Variants in ABCB8 observed in about 807,000 individuals in gnomAD.
The protein encoded by ABCB8 is ATP binding cassette subfamily B member 8, also known as mitochondrial potassium channel ATP-binding subunit.
In ABCB8, 52 loss-of-function variants were observed where a neutral mutation model predicts 73.0. The ratio of observed to expected loss-of-function variants is 0.71; its 90% CI spans 0.57 to 0.90. The LOEUF is 0.90. Among genes scored for constraint, ABCB8 ranks in the 40% least tolerant of loss-of-function variants. The pLI is 0.00. For synonymous variants in ABCB8, 428 were observed against 423.5 expected, an observed-to-expected ratio of 1.01 and a Z score of -0.13; for missense variants, 909 against 974.6, an observed-to-expected ratio of 0.93 and a Z score of 0.90.
chr7:151,036,838 C>T (rs776299297), intron 9 of ABCB8, 189 bp downstream of exon 9: 3 of 759,652 alleles, frequency 3.9e-6, no homozygotes, highest in Admixed American at 1.7e-5. Flanking sequence ...ACCCTCCTGG[C>T]TGGGGCAGTG....
In ABCB8 at chr7:151,032,924, T is replaced by C. The variant is rs894923647; in HGVS notation, c.96-681T>C. On this transcript the variant is annotated intron_variant, in intron 1 of 15. Transcript: ENST00000358849. ...AATGGGCCTGGGACATCAGAAGACA[T>C]GGCACACTGGCAGAGTAGAGCCAGC... 6.8e-6 allele frequency: 3 copies of C among 438,266 alleles called. No homozygotes were observed. In the East Asian group the frequency reaches 2.1e-4, roughly 31 times the overall value. 27.1% of individuals were successfully genotyped at this position (438,266 alleles called of 1,614,324 possible).
rs1796593991 is a variant in ABCB8, at chr7:151,045,622, C to T, written c.*273C>T. On this transcript the variant is annotated 3_prime_UTR_variant, in exon 16 of 16. Transcript: ENST00000358849. ...GCAGAGACAGAGTTCCACGAGACACCTCCACTCTATTCTCCCTTTGCCCAG... is the reference window on the plus strand; with the variant it reads ...GCAGAGACAGAGTTCCACGAGACACTTCCACTCTATTCTCCCTTTGCCCAG... The T allele has an allele frequency of 2.6e-6, 1 of 388,142 alleles. No homozygotes were observed. Among genetic ancestry groups the T allele is most frequent in the Non-Finnish European group, 4.6e-6 (1 of 219,488 alleles). 24.0% of individuals were successfully genotyped at this position (388,142 alleles called of 1,614,324 possible). A position where few individuals can be genotyped will look rare whatever the true frequency, so the allele number is the denominator to read the frequency against.
intron 15 of ABCB8, among the ~76,000 whole-genome samples, chr7:151,044,897 C>T (rs145669370): frequency 6.6e-6 from 1 of 152,330 alleles, no homozygotes; most frequent in East Asian, 1.9e-4. Context: ...TGGCTAACAG[C>T]CACTCATTCA....
intron 1 of ABCB8, among the ~76,000 whole-genome samples, chr7:151,029,377 C>CGA (rs951486579): frequency 2.0e-5 from 3 of 150,502 alleles, no homozygotes; most frequent in Non-Finnish European, 2.9e-5. Context: ...ACAGGTTGGT[C>CGA]GAGAGAGAGA....
chr7:151,040,743 G>T, intron 11 of ABCB8, 85 bp from the exon 12 acceptor site: 2 of 1,602,044 alleles, frequency 1.2e-6, no homozygotes, highest in Non-Finnish European at 8.5e-7. Flanking sequence ...GGCCCTCTCA[G>T]AGGGCTACAG....
chr7:151,042,026 T>A lies in ABCB8; in HGVS notation c.1683T>A (p.Asp561Glu), dbSNP rs758798170. ...GCTTTGGGAAGCTGGAAGCTTCCGA[T>A]GAAGAGGTGTACACAGCCGCCCGGG... The part of the protein sequence containing the change: ...NIRFGKLEAS[D>E]EEVYTAAREA... The change falls in exon 14 of 16, where the codon GAT (aspartate) becomes GAA (glutamate). Residue 561 changes from aspartate (D) to glutamate (E), a missense_variant. Coordinates refer to ENST00000358849, the MANE Select transcript of ABCB8 (RefSeq NM_007188.5). The A allele has an allele frequency of 9.9e-6, 16 of 1,612,992 alleles. No homozygotes were observed. The highest frequency in any genetic ancestry group is 1.4e-5 in the Non-Finnish European group (16 of 1,179,992).
At position 151,034,144 on chromosome 7, in the gene ABCB8, C is replaced by T. The variant is rs1484254865; in HGVS notation, c.409-129C>T. 7.3e-6 allele frequency: 9 copies of T among 1,230,796 alleles called. No homozygotes were observed. In the Admixed American group the frequency reaches 1.6e-4, roughly 22 times the overall value. The allele number at this position is 1,230,796 out of a possible 1,614,324, so 76.2% of individuals were successfully genotyped here. A position where few individuals can be genotyped will look rare whatever the true frequency, so the allele number is the denominator to read the frequency against. On this transcript the variant is annotated intron_variant, in intron 2 of 15. Coordinates refer to ENST00000358849, the MANE Select transcript of ABCB8 (RefSeq NM_007188.5). ...CCTCTGAGAGGCACTGATGTGTCCA[C>T]ATGACCAGCCACAACCTGGACAAGC...
In ABCB8 at chr7:151,036,075, G is replaced by A. The variant is rs748204050; in HGVS notation, c.1016G>A (p.Arg339His). 23 of 1,612,956 alleles carry A rather than the reference G, an allele frequency of 1.4e-5. No individual in the cohort carries two copies. The highest frequency in any genetic ancestry group is 1.1e-4 in the East Asian group (5 of 44,880). ...AFAMEQREEERYGAELEACRC... is the reference protein window; with the variant it reads ...AFAMEQREEEHYGAELEACRC... ...AATGCACTGGTCTCTCTCACCAGGC[G>A]CTATGGGGCAGAGCTGGAAGCCTGC... is the stretch of plus-strand genomic sequence containing the variant. Residue 339 changes from arginine (R) to histidine (H), a missense_variant and splice_region_variant, in exon 8 of 16, where the codon CGC becomes CAC. Coordinates refer to ENST00000358849, the MANE Select transcript of ABCB8 (RefSeq NM_007188.5).
At chr7:151,030,915 G>A (rs1796144871) in intron 1 of ABCB8, among the ~76,000 whole-genome samples, 1 of 152,162 alleles carries the variant, frequency 6.6e-6, no homozygotes, top group Non-Finnish European at 1.5e-5. Context: ...TCTCCAGCCG[G>A]GGCAAAAGAG....
intron 13 of ABCB8, 66 bp from the exon 14 acceptor site, chr7:151,041,895 C>T (rs1796476399): frequency 6.4e-7 from 1 of 1,569,696 alleles, no homozygotes; most frequent in Non-Finnish European, 8.7e-7. Context: ...GTATGGTGGC[C>T]CCTCCAGTTT....
At position 151,034,158 on chromosome 7, in the gene ABCB8, A is replaced by G. The variant is rs1045252604; in HGVS notation, c.409-115A>G. Reference sequence around the variant, plus strand: ...TGATGTGTCCACATGACCAGCCACAACCTGGACAAGCGCAGTGCTCAGTAG... The same window carrying G: ...TGATGTGTCCACATGACCAGCCACAGCCTGGACAAGCGCAGTGCTCAGTAG... On this transcript the variant is annotated intron_variant, in intron 2 of 15. Transcript: ENST00000358849. The G allele has an allele frequency of 2.1e-5, 27 of 1,312,464 alleles. No individual in the cohort carries two copies. The Admixed American group carries it at 2.6e-4, about 12-fold the overall frequency. The allele number at this position is 1,312,464 out of a possible 1,614,324, so 81.3% of individuals were successfully genotyped here.
chr7:151,042,421 G>T (rs1291229808), intron 14 of ABCB8, among the ~76,000 whole-genome samples: 2 of 152,206 alleles, frequency 1.3e-5, no homozygotes, highest in Non-Finnish European at 2.9e-5. Flanking sequence ...GATGCATGGT[G>T]TTTGGAGTCC....
intron 5 of ABCB8, 136 bp downstream of exon 5, chr7:151,034,965 G>A: frequency 1.4e-6 from 1 of 735,452 alleles, no homozygotes; most frequent in Non-Finnish European, 2.2e-6. Flanking sequence ...CTGCCTGTGA[G>A]GGCATGGGTG....
chr7:151,034,317 C>A lies in ABCB8; in HGVS notation c.453C>A (p.Leu151=), dbSNP rs1275503294. ...AALVNVQIPL[L]LGQLVEVVAK... is the part of the protein sequence containing the mutation. ...TCGTGAATGTACAGATCCCCCTGCT[C>A]CTGGGCCAGCTGGTAGAGGTCGTGG... Residue 151 remains leucine, a synonymous_variant, in exon 3 of 16, where the codon CTC becomes CTA. Transcript: ENST00000358849. The A allele has an allele frequency of 4.0e-5, 64 of 1,613,816 alleles. No homozygotes were observed. The highest frequency in any genetic ancestry group is 5.3e-5 in the Non-Finnish European group (62 of 1,180,000).
chr7:151,030,666 G>A (rs549143412), intron 1 of ABCB8, among the ~76,000 whole-genome samples: 116 of 149,576 alleles, frequency 7.8e-4, no homozygotes, highest in African/African-American at 2.7e-3. Flanking sequence ...TTAGCCGGGT[G>A]CGTTGGCTCA....
chr7:151,033,999 TCTCAGGGGAGAG>T lies in ABCB8; in HGVS notation c.408+93_408+104del, dbSNP rs774826951. 641 of 1,459,442 alleles carry T rather than the reference TCTCAGGGGAGAG, an allele frequency of 4.4e-4. 1 individual carries two copies. The highest frequency in any genetic ancestry group is 5.6e-4 in the Non-Finnish European group (612 of 1,095,854). 90.4% of individuals were successfully genotyped at this position (1,459,442 alleles called of 1,614,324 possible). On this transcript the variant is annotated intron_variant, in intron 2 of 15. Transcript: ENST00000358849. ...GGGATGGCATTCCTGCCTCGCTGCC[TCTCAGGGGAGAG>T]CTCAGGGGAGCAGCAAGGGCTAGCC...
In ABCB8 at chr7:151,036,869, T is replaced by G. The variant is rs566277019; in HGVS notation, c.1217+220T>G. The G allele has an allele frequency of 2.2e-5, 17 of 756,970 alleles. No homozygotes were observed. The South Asian group carries it at 2.3e-4, about 10-fold the overall frequency. 46.9% of individuals were successfully genotyped at this position (756,970 alleles called of 1,614,324 possible). ...CAGTGGCGCTGCAGCAGGCAGGTGC[T>G]TGTCATCTTCAGCCTTCCAAAGGAC... On this transcript the variant is annotated intron_variant, in intron 9 of 15. Transcript: ENST00000358849.
Position 151,045,612 on chromosome 7 carries a change from CA to C in ABCB8, c.*264del, listed in dbSNP as rs1796593647. ...GCTGCAATGGGCAGAGACAGAGTTCCACGAGACACCTCCACTCTATTCTCCC... is the reference window on the plus strand; with the variant it reads ...GCTGCAATGGGCAGAGACAGAGTTCCCGAGACACCTCCACTCTATTCTCCC... On this transcript the variant is annotated 3_prime_UTR_variant, in exon 16 of 16. Transcript: ENST00000358849. 4 of 424,448 alleles carry C rather than the reference CA, an allele frequency of 9.4e-6. No homozygotes were observed. The Admixed American group carries it at 1.8e-4, about 19-fold the overall frequency. 26.3% of individuals were successfully genotyped at this position (424,448 alleles called of 1,614,324 possible). A position where few individuals can be genotyped will look rare whatever the true frequency, so the allele number is the denominator to read the frequency against.
At chr7:151,028,665 G>A (rs540686727) in intron 1 of ABCB8, 55 bp downstream of exon 1, 2 of 1,575,874 alleles carry the variant, frequency 1.3e-6, no homozygotes, top group South Asian at 2.3e-5. Context: ...GCAGGGCAGT[G>A]CCGGCCCGCC....
Sources: gnomAD v4.1 joint callset for allele counts (sites outside exome capture counted in the v4.1 genomes callset) on GRCh38, gnomAD v4.1.1 for gene constraint, MANE v1.5 for transcripts, NCBI Gene and HGNC (gene_info 2026-07-23, HGNC 2026-07-21) for gene names.